The following ASTN1 variants were observed in gnomAD, a reference collection of about 807,000 sequenced individuals.
ASTN1 encodes astrotactin 1.
A neutral mutation model predicts 140.7 loss-of-function variants in ASTN1; 41 were observed. The ratio of observed to expected loss-of-function variants is 0.29; its 90% CI spans 0.23 to 0.38. The LOEUF (loss-of-function observed/expected upper bound fraction) is 0.38. Ranked by LOEUF, ASTN1 falls within the 10% of genes least tolerant of loss-of-function variation. The pLI is 1.00. For synonymous variants in ASTN1, 640 were observed against 652.2 expected (o/e 0.98, Z 0.29); for missense variants, 1,479 against 1,678.8 (o/e 0.88, Z 2.08).
At chr1:176,943,777 G>T in intron 14 of ASTN1, 114 bp downstream of exon 14, 1 of 1,317,664 alleles carries the variant, frequency 7.6e-7, no homozygotes, top group Non-Finnish European at 1.0e-6. Flanking sequence ...TATTGTGTAT[G>T]AAGGAAATCA....
At chr1:177,069,699 AG>A in intron 1 of ASTN1, among the ~76,000 whole-genome samples, 1 of 152,262 alleles carries the variant, frequency 6.6e-6, no homozygotes. Context: ...TGCAGCCAAA[AG>A]GTTCTGACAC....
At chr1:176,858,170 C>A (rs1324371056), downstream of ASTN1, among the ~76,000 whole-genome samples, 1 of 152,144 alleles carries the variant, frequency 6.6e-6, no homozygotes, top group African/African-American at 2.4e-5. Context: ...CTAGGGGAAT[C>A]AATCCAATTA....
intron 5 of ASTN1, among the ~76,000 whole-genome samples, chr1:177,026,743 G>A (rs547242459): frequency 9.9e-5 from 15 of 152,180 alleles, no homozygotes; most frequent in South Asian, 4.1e-4. Context: ...TTTGATTTGC[G>A]TTTCTCTCAT....
At chr1:176,966,062 A>G (rs1217104519) in intron 8 of ASTN1, among the ~76,000 whole-genome samples, 1 of 152,198 alleles carries the variant, frequency 6.6e-6, no homozygotes, top group Admixed American at 6.6e-5. Context: ...AAGACTTAGC[A>G]AAGACCAGAT....
At chr1:176,973,711 A>G (rs570914729) in intron 8 of ASTN1, among the ~76,000 whole-genome samples, 1 of 152,262 alleles carries the variant, frequency 6.6e-6, no homozygotes, top group East Asian at 1.9e-4. Context: ...GAGAAAACAG[A>G]GGTAATCAAG....
chr1:177,051,366 T>C, intron 2 of ASTN1, among the ~76,000 whole-genome samples: 1 of 152,244 alleles, frequency 6.6e-6, no homozygotes, highest in East Asian at 1.9e-4. Flanking sequence ...ACTGCCTGTT[T>C]TTGTAAATAA....
chr1:177,011,133 T>A (rs1483006757), intron 8 of ASTN1, among the ~76,000 whole-genome samples: 1 of 152,166 alleles, frequency 6.6e-6, no homozygotes, highest in African/African-American at 2.4e-5. Context: ...TTATTTACCA[T>A]TCCTGAAAAA....
chr1:177,160,993 A>C (rs1160374014), intron 1 of ASTN1, among the ~76,000 whole-genome samples: 1 of 152,208 alleles, frequency 6.6e-6, no homozygotes, highest in Non-Finnish European at 1.5e-5. Context: ...AAGCATTTTA[A>C]AAACCATATG....
intron 16 of ASTN1, among the ~76,000 whole-genome samples, chr1:176,914,158 T>C (rs751407443): frequency 5.3e-5 from 8 of 152,208 alleles, no homozygotes; most frequent in Non-Finnish European, 1.0e-4. Context: ...AACAGAGAGG[T>C]TTATTACTTT....
intron 8 of ASTN1, chr1:176,976,669 T>C (rs999236022): frequency 6.6e-6 from 1 of 152,252 alleles, no homozygotes; most frequent in African/African-American, 2.4e-5. Flanking sequence ...AAAATGGTGA[T>C]AATAGTAACT....
intron 9 of ASTN1, among the ~76,000 whole-genome samples, chr1:176,964,555 C>T (rs1672793675): frequency 6.6e-6 from 1 of 152,160 alleles, no homozygotes; most frequent in African/African-American, 2.4e-5. Flanking sequence ...TATTCCTCTG[C>T]TGTGGGCCTT....
chr1:177,152,054 A>G (rs1008252168), intron 1 of ASTN1, among the ~76,000 whole-genome samples: 8 of 152,174 alleles, frequency 5.3e-5, no homozygotes, highest in African/African-American at 1.9e-4. Flanking sequence ...AGGTCAAGGT[A>G]CAGGATGAGA....
chr1:176,875,560 TC>T (rs375608432), intron 21 of ASTN1, among the ~76,000 whole-genome samples: 82 of 152,320 alleles, frequency 5.4e-4, no homozygotes, highest in African/African-American at 1.8e-3. Flanking sequence ...GGTCACTCTT[TC>T]CCCTGTGATT....
chr1:177,118,156 A>C (rs1284156770), intron 1 of ASTN1, among the ~76,000 whole-genome samples: 1 of 152,208 alleles, frequency 6.6e-6, no homozygotes, highest in African/African-American at 2.4e-5. Flanking sequence ...TTCCCACCAC[A>C]GTACCTTCAA....
chr1:176,944,131 G>A (rs1262004455), intron 13 of ASTN1, 113 bp from the exon 14 acceptor site: 2 of 1,387,768 alleles, frequency 1.4e-6, no homozygotes, highest in East Asian at 2.4e-5. Flanking sequence ...AGGCTGGAGT[G>A]CAATGGCAGG....
intron 2 of ASTN1, among the ~76,000 whole-genome samples, chr1:177,045,242 T>A (rs1458135128): frequency 6.6e-6 from 1 of 152,218 alleles, no homozygotes; most frequent in Non-Finnish European, 1.5e-5. Flanking sequence ...CCCCATATCA[T>A]GGCTCTGACT....
At chr1:177,144,067 T>C (rs1446405606) in intron 1 of ASTN1, among the ~76,000 whole-genome samples, 1 of 152,102 alleles carries the variant, frequency 6.6e-6, no homozygotes, top group African/African-American at 2.4e-5. Flanking sequence ...TAGAACTTTA[T>C]CAAATCCATG....
At chr1:176,902,644 T>C (rs1018638495) in intron 16 of ASTN1, among the ~76,000 whole-genome samples, 1 of 152,182 alleles carries the variant, frequency 6.6e-6, no homozygotes, top group African/African-American at 2.4e-5. Flanking sequence ...TATGCTTCTT[T>C]CTGCTCAGTA....
At chr1:177,017,583 C>A (rs1488487734) in intron 7 of ASTN1, among the ~76,000 whole-genome samples, 1 of 152,222 alleles carries the variant, frequency 6.6e-6, no homozygotes, top group Non-Finnish European at 1.5e-5. Flanking sequence ...GTGTTACAGT[C>A]TCTGCATCTG....
Sources: gnomAD v4.1 joint callset for allele counts (sites outside exome capture counted in the v4.1 genomes callset) on GRCh38, gnomAD v4.1.1 for gene constraint, MANE v1.5 for transcripts, NCBI Gene and HGNC (gene_info 2026-07-23, HGNC 2026-07-21) for gene names.